The following TDRD10 variants were observed in gnomAD, a reference collection of about 807,000 sequenced individuals.
TDRD10 encodes tudor domain containing 10.
In TDRD10, 40 loss-of-function variants were observed where a neutral mutation model predicts 48.0. That is an observed-to-expected ratio of 0.83 (90% CI 0.65 to 1.09). The LOEUF is 1.09. TDRD10 is among the 50% of genes least tolerant of loss of function. The pLI is 0.00. For synonymous variants in TDRD10, 162 were observed against 170.4 expected, an observed-to-expected ratio of 0.95 and a Z score of 0.38; for missense variants, 378 against 434.7, an observed-to-expected ratio of 0.87 and a Z score of 1.16.
At chr1:154,535,887 A>G (rs1347265291) in intron 6 of TDRD10, among the ~76,000 whole-genome samples, 5 of 152,218 alleles carry the variant, frequency 3.3e-5, no homozygotes, top group African/African-American at 1.2e-4. Context: ...CAGTCCTGGA[A>G]CAGTTGCTGT....
intron 6 of TDRD10, among the ~76,000 whole-genome samples, chr1:154,530,146 C>G (rs987423430): frequency 1.2e-4 from 19 of 152,178 alleles, no homozygotes; most frequent in African/African-American, 4.1e-4. Context: ...TCCCGAGGAG[C>G]TGGAATTACA....
At chr1:154,524,997 A>G (rs530337141) in intron 6 of TDRD10, among the ~76,000 whole-genome samples, 8 of 152,180 alleles carry the variant, frequency 5.3e-5, no homozygotes, top group African/African-American at 1.2e-4. Context: ...TTGCTGCCCA[A>G]TGAGACTGCC....
intron 4 of TDRD10, among the ~76,000 whole-genome samples, chr1:154,519,900 C>T (rs150849688): frequency 3.3e-5 from 5 of 152,048 alleles, no homozygotes; most frequent in Admixed American, 6.6e-5. Flanking sequence ...ACCATATCCC[C>T]GGGCAGAGGC....
At chr1:154,524,625 G>A (rs1380559663) in intron 6 of TDRD10, among the ~76,000 whole-genome samples, 1 of 152,202 alleles carries the variant, frequency 6.6e-6, no homozygotes, top group East Asian at 1.9e-4. Context: ...GTGTGTCATA[G>A]TTAGGATTGG....
chr1:154,544,114 T>C lies in TDRD10; in HGVS notation c.651+4T>C, dbSNP rs372662410. 7 of 1,613,990 alleles carry C rather than the reference T, an allele frequency of 4.3e-6. No homozygotes were observed. Among genetic ancestry groups the C allele is most frequent in the Non-Finnish European group, 5.9e-6 (7 of 1,180,000 alleles). ...CTGGGCTATGCACGTCACTGAGGTA[T>C]GGACTGGTTGTTGGCCCCCTCAGGC... On this transcript the variant is annotated splice_donor_region_variant and intron_variant, in intron 9 of 12. Transcript: ENST00000368482.
chr1:154,538,550 C>CAA (rs59257227), intron 6 of TDRD10, among the ~76,000 whole-genome samples: 16 of 57,308 alleles, frequency 2.8e-4, no homozygotes, highest in African/African-American at 9.8e-4. Flanking sequence ...AACTCTATCT[C>CAA]AAAAAAAAAA....
chr1:154,506,189 G>A (rs1358219073), intron 1 of TDRD10, among the ~76,000 whole-genome samples: 5 of 152,108 alleles, frequency 3.3e-5, no homozygotes, highest in Admixed American at 6.6e-5. Context: ...CTAAAATCAA[G>A]GTTTCAACAA....
chr1:154,516,408 T>G (rs1693771630), intron 4 of TDRD10, among the ~76,000 whole-genome samples: 1 of 151,514 alleles, frequency 6.6e-6, no homozygotes, highest in African/African-American at 2.4e-5. Flanking sequence ...CATAGGGGGA[T>G]GAGTACAGAT....
intron 6 of TDRD10, among the ~76,000 whole-genome samples, chr1:154,531,735 C>T (rs976383947): frequency 4.6e-5 from 7 of 152,182 alleles, no homozygotes; most frequent in African/African-American, 1.7e-4. Flanking sequence ...CTGGCTCGGG[C>T]AGCCTGCTTT....
Position 154,548,037 on chromosome 1 carries a change from T to TAACA in TDRD10, c.*328_*331dup, listed in dbSNP as rs1195569029. 13 of 397,986 alleles carry TAACA rather than the reference T, an allele frequency of 3.3e-5. No homozygotes were observed. In the East Asian group the frequency reaches 4.7e-4, roughly 14 times the overall value. The allele number at this position is 397,986 out of a possible 1,614,324, so 24.7% of individuals were successfully genotyped here. ...CCCCAGAGCATGATATAAGTGGTCC[T>TAACA]AACAGATTCTGGATAATGGAGAAGC... On this transcript the variant is annotated 3_prime_UTR_variant, in exon 13 of 13. Coordinates refer to ENST00000368482, the MANE Select transcript of TDRD10 (RefSeq NM_182499.4).
intron 6 of TDRD10, among the ~76,000 whole-genome samples, chr1:154,525,920 G>A (rs1420054636): frequency 1.3e-4 from 16 of 124,712 alleles, no homozygotes; most frequent in African/African-American, 4.4e-4. Flanking sequence ...AAAAAAAAAA[G>A]AGGCTGGGCG....
intron 8 of TDRD10, 81 bp downstream of exon 8, chr1:154,542,902 A>AGTACTGGG: frequency 8.4e-7 from 1 of 1,191,786 alleles, no homozygotes; most frequent in South Asian, 1.3e-5. Context: ...GGACAAGGAT[A>AGTACTGGG]GTACTGGGGT....
At chr1:154,540,089 A>T (rs1274420423) in intron 6 of TDRD10, among the ~76,000 whole-genome samples, 3 of 152,104 alleles carry the variant, frequency 2.0e-5, no homozygotes, top group Non-Finnish European at 4.4e-5. Context: ...CACGATGGGG[A>T]GATGTTGGAA....
chr1:154,521,930 A>C (rs1694081932), intron 6 of TDRD10, among the ~76,000 whole-genome samples: 1 of 152,116 alleles, frequency 6.6e-6, no homozygotes, highest in South Asian at 2.1e-4. Flanking sequence ...TTAATGGTGG[A>C]GGCTGCCTCT....
intron 4 of TDRD10, among the ~76,000 whole-genome samples, chr1:154,514,158 C>T (rs1693627306): frequency 6.6e-6 from 1 of 152,134 alleles, no homozygotes; most frequent in Admixed American, 6.5e-5. Context: ...CCACCGCATT[C>T]CAGCCTGGGT....
intron 6 of TDRD10, among the ~76,000 whole-genome samples, chr1:154,522,713 T>G (rs1694120727): frequency 6.6e-6 from 1 of 152,216 alleles, no homozygotes; most frequent in Non-Finnish European, 1.5e-5. Context: ...TTCCTTTCTC[T>G]CTTAAGCCCT....
At chr1:154,531,944 G>A (rs368165604) in intron 6 of TDRD10, among the ~76,000 whole-genome samples, 3 of 152,178 alleles carry the variant, frequency 2.0e-5, no homozygotes, top group Non-Finnish European at 4.4e-5. Context: ...GACACAGAGC[G>A]CTGATTGGTG....
chr1:154,519,565 C>T (rs1435354620), intron 4 of TDRD10, among the ~76,000 whole-genome samples: 4 of 152,204 alleles, frequency 2.6e-5, no homozygotes, highest in Admixed American at 2.0e-4. Flanking sequence ...ATGTCTGTGA[C>T]CTGCAAGAAA....
chr1:154,544,532 A>G lies in TDRD10; in HGVS notation c.797+15A>G. The G allele has an allele frequency of 6.2e-7, 1 of 1,612,098 alleles. No homozygotes were observed. Among genetic ancestry groups the G allele is most frequent in the Admixed American group, 1.7e-5 (1 of 59,930 alleles). ...GCCTGGAACAGGTGTGTGCCTGGGC[A>G]GGGGTAGAGTCTATGGGAGAGGCGT... On this transcript the variant is annotated intron_variant, in intron 10 of 12. Transcript: ENST00000368482.
Sources: allele counts gnomAD v4.1 joint callset (sites outside exome capture counted in the v4.1 genomes callset), GRCh38; gene constraint gnomAD v4.1.1; transcripts MANE v1.5; gene names NCBI Gene and HGNC (gene_info 2026-07-23, HGNC 2026-07-21).